Variants in TSPEAR observed in about 807,000 individuals in gnomAD.
TSPEAR encodes thrombospondin type laminin G domain and EAR repeats.
TSPEAR carries 69 observed loss-of-function variants against 71.6 expected under a neutral mutation model. The observed-to-expected ratio is 0.96, with a 90% CI of 0.79 to 1.18. The LOEUF is 1.18. Among genes scored for constraint, TSPEAR ranks in the 50% most tolerant of loss-of-function variants. The pLI, the probability that TSPEAR is intolerant of heterozygous loss-of-function variation, is 0.00. For missense variants in TSPEAR, 971 were observed against 894.9 expected (o/e 1.09, Z -1.09); for synonymous variants, 402 against 387.2 (o/e 1.04, Z -0.45).
At chr21:44,646,623 C>T (rs938652933) in intron 1 of TSPEAR, 9 of 1,613,074 alleles carry the variant, frequency 5.6e-6, no homozygotes, top group Middle Eastern at 1.9e-4. Flanking sequence ...GTGTGTCCAG[C>T]CCCTGCTGCC....
At position 44,711,018 on chromosome 21, in the gene TSPEAR, G is replaced by A. The variant is rs1988191937; in HGVS notation, c.82+415C>T. Among the ~76,000 whole-genome samples the A allele has an allele frequency of 6.6e-6, 1 of 152,222 alleles. No homozygotes were observed. Among genetic ancestry groups the A allele is most frequent in the Admixed American group, 6.5e-5 (1 of 15,290 alleles). On this transcript the variant is annotated intron_variant, in intron 1 of 11. Transcript: ENST00000323084. The surrounding 1 kb of genome is among the most constrained non-coding windows in gnomAD (Gnocchi z 4.5). Reference sequence around the variant, plus strand: ...GTGGCCCTTCGCTTTGCTGAGTGCAGGCTGGGGGCACCTCCACCAGCTAAG... The same window carrying A: ...GTGGCCCTTCGCTTTGCTGAGTGCAAGCTGGGGGCACCTCCACCAGCTAAG...
At chr21:44,677,766 C>T in intron 1 of TSPEAR, 1 of 1,330,552 alleles carries the variant, frequency 7.5e-7, no homozygotes, top group Non-Finnish European at 1.1e-6. Context: ...TTTTAGTGGA[C>T]CAGACTGAGT....
At chr21:44,601,876 TCTC>T (rs1980957963) in intron 1 of TSPEAR, 2 of 1,172,888 alleles carry the variant, frequency 1.7e-6, no homozygotes. Flanking sequence ...AGTGTGCGCT[TCTC>T]CTCCTAGAAG....
chr21:44,557,944 T>A, intron 2 of TSPEAR: 1 of 1,285,966 alleles, frequency 7.8e-7, no homozygotes, highest in Non-Finnish European at 1.1e-6. Context: ...TGGCTGGAGG[T>A]GCAGTGGCTA....
chr21:44,633,410 G>A (rs1268343269), intron 1 of TSPEAR, among the ~76,000 whole-genome samples: 1 of 152,018 alleles, frequency 6.6e-6, no homozygotes, highest in Non-Finnish European at 1.5e-5. Flanking sequence ...TATCCCATAA[G>A]TTTTGGTTTG....
chr21:44,551,883 G>A (rs367561294), intron 2 of TSPEAR, among the ~76,000 whole-genome samples: 2 of 152,336 alleles, frequency 1.3e-5, no homozygotes, highest in East Asian at 3.9e-4. Context: ...GACCTCACAG[G>A]GTGGGCTGGC....
intron 1 of TSPEAR, among the ~76,000 whole-genome samples, chr21:44,700,148 A>G (rs1408683773): frequency 1.3e-5 from 2 of 152,202 alleles, no homozygotes; most frequent in Admixed American, 6.5e-5. Context: ...GGAAGAAAGC[A>G]TGTTCTTTGT....
intron 1 of TSPEAR, among the ~76,000 whole-genome samples, chr21:44,599,257 A>G (rs1980610623): frequency 6.6e-6 from 1 of 151,722 alleles, no homozygotes; most frequent in Admixed American, 6.6e-5. Context: ...TTCAAAATAT[A>G]CAGAAAGACA....
At chr21:44,594,994 G>T (rs184577295) in intron 1 of TSPEAR, among the ~76,000 whole-genome samples, 4 of 151,986 alleles carry the variant, frequency 2.6e-5, no homozygotes, top group African/African-American at 9.7e-5. Flanking sequence ...GCTAATTTTT[G>T]TATTTTTAGT....
At chr21:44,677,044 T>C (rs117256288) in intron 1 of TSPEAR, 31,812 of 805,480 alleles carry the variant, frequency 0.039, 788 homozygotes, top group Middle Eastern at 0.063. Context: ...AAAGTCATCC[T>C]GAGCTTGGCC....
intron 1 of TSPEAR, chr21:44,591,846 G>A (rs1555926675): frequency 6.2e-7 from 1 of 1,608,204 alleles, no homozygotes; most frequent in South Asian, 1.1e-5. Context: ...TTGGCTGGCA[G>A]CTAGACTGCT....
intron 1 of TSPEAR, among the ~76,000 whole-genome samples, chr21:44,581,424 C>T (rs1353327690): frequency 2.0e-5 from 3 of 152,088 alleles, no homozygotes; most frequent in African/African-American, 7.2e-5. Context: ...TAAATAATAA[C>T]AAAAAATCTG....
At chr21:44,683,168 A>G (rs546983342) in intron 1 of TSPEAR, among the ~76,000 whole-genome samples, 8 of 152,300 alleles carry the variant, frequency 5.3e-5, no homozygotes, top group African/African-American at 4.8e-5. Flanking sequence ...TAGGGAAGAC[A>G]GTTTGGAATG....
chr21:44,579,829 G>T, intron 1 of TSPEAR: 1 of 1,610,114 alleles, frequency 6.2e-7, no homozygotes, highest in South Asian at 1.1e-5. Flanking sequence ...GGCGGCAGCA[G>T]CTGGCCTGGT....
chr21:44,521,979 C>G lies in TSPEAR; in HGVS notation c.1470G>C (p.Leu490=), dbSNP rs2052743416. ...EFFSVGPYSF[L]VVANTFNGTS... is the part of the protein sequence containing the mutation. Reference sequence around the variant, plus strand: ...TGCCGTTGAAGGTGTTGGCCACCACCAGGAACGAGTAGGGCCCCACACTGA... The same window carrying G: ...TGCCGTTGAAGGTGTTGGCCACCACGAGGAACGAGTAGGGCCCCACACTGA... Residue 490 remains leucine, a synonymous_variant, in exon 9 of 12, where the codon CTG becomes CTC. Transcript: ENST00000323084. 6.2e-7 allele frequency: 1 copy of G among 1,614,158 alleles called. No individual in the cohort carries two copies. The highest frequency in any genetic ancestry group is 1.7e-5 in the Admixed American group (1 of 60,030).
chr21:44,595,985 C>A (rs1980341145), intron 1 of TSPEAR, among the ~76,000 whole-genome samples: 1 of 152,162 alleles, frequency 6.6e-6, no homozygotes, highest in African/African-American at 2.4e-5. Flanking sequence ...CTTCAAATAA[C>A]ACACATTTAT....
intron 1 of TSPEAR, chr21:44,592,628 G>C (rs1555927077): frequency 4.5e-6 from 6 of 1,325,316 alleles, no homozygotes; most frequent in African/African-American, 4.5e-5. Context: ...CCGGGATTAG[G>C]GGTGTTTGTT....
At chr21:44,688,439 G>C (rs183139237) in intron 1 of TSPEAR, among the ~76,000 whole-genome samples, 1 of 152,204 alleles carries the variant, frequency 6.6e-6, no homozygotes, top group East Asian at 1.9e-4. Flanking sequence ...GGAAAGAGAC[G>C]GCCGGGCGCG....
At chr21:44,586,942 G>C (rs2146112672) in intron 1 of TSPEAR, among the ~76,000 whole-genome samples, 1 of 152,272 alleles carries the variant, frequency 6.6e-6, no homozygotes, top group East Asian at 1.9e-4. Context: ...ACACTGAATG[G>C]GGAGAAGTTG....
Sources: allele counts gnomAD v4.1 joint callset (sites outside exome capture counted in the v4.1 genomes callset), GRCh38; gene constraint gnomAD v4.1.1; non-coding constraint Gnocchi (gnomAD v3.1); transcripts MANE v1.5; gene names NCBI Gene and HGNC (gene_info 2026-07-23, HGNC 2026-07-21).